The following ATP6V1E2 variants were observed in gnomAD, a reference collection of about 807,000 sequenced individuals.
ATP6V1E2 encodes V-type proton ATPase subunit E 2.
For synonymous variants in ATP6V1E2, 121 were observed against 104.2 expected (o/e 1.16, Z -0.98); for missense variants, 308 against 273.3 (o/e 1.13, Z -0.90).
chr2:46,521,047 C>A (rs1176191586), intron 4 of ATP6V1E2, among the ~76,000 whole-genome samples: 1 of 152,174 alleles, frequency 6.6e-6, no homozygotes, highest in Non-Finnish European at 1.5e-5. Context: ...CATTTCCAAA[C>A]TGGTGATTGT....
chr2:46,520,690 A>G (rs575272796), intron 4 of ATP6V1E2, among the ~76,000 whole-genome samples: 1 of 152,322 alleles, frequency 6.6e-6, no homozygotes, highest in African/African-American at 2.4e-5. Flanking sequence ...TTTTCCAGAT[A>G]CAATTCAGAG....
chr2:46,512,572 T>C lies in ATP6V1E2; in HGVS notation c.140A>G (p.Gln47Arg). The stretch of plus-strand genomic sequence containing the variant: ...CTCCATAATCTTCAGTCGTTGGGTT[T>C]GCACGAGGCGTCCTTTCTCAATGTT... ...EFNIEKGRLVQTQRLKIMEYY... is the reference protein window; with the variant it reads ...EFNIEKGRLVRTQRLKIMEYY... The change falls in exon 5 of 5, where the codon CAA (glutamine) becomes CGA (arginine). Residue 47 changes from glutamine (Q) to arginine (R), a missense_variant. Transcript: ENST00000522587. 2 of 1,614,232 alleles carry C rather than the reference T, an allele frequency of 1.2e-6. No individual in the cohort carries two copies. The highest frequency in any genetic ancestry group is 1.7e-6 in the Non-Finnish European group (2 of 1,180,036).
intron 4 of ATP6V1E2, among the ~76,000 whole-genome samples, chr2:46,531,027 C>T (rs899708331): frequency 1.4e-5 from 2 of 141,172 alleles, no homozygotes; most frequent in Non-Finnish European, 3.2e-5. Flanking sequence ...TTGGTGAATA[C>T]GTTTTTTGAA....
chr2:46,512,488 A>G lies in ATP6V1E2; in HGVS notation c.224T>C (p.Met75Thr), dbSNP rs1259455035. The G allele has an allele frequency of 6.2e-6, 10 of 1,614,146 alleles. No homozygotes were observed. The highest frequency in any genetic ancestry group is 8.5e-6 in the Non-Finnish European group (10 of 1,180,034). Residue 75 changes from methionine (M) to threonine (T), a missense_variant, in exon 5 of 5, where the codon ATG becomes ACG. Transcript: ENST00000522587. ...GACTTTCAGCCTCGCCTGATTCCTC[A>G]TGGTGGACATCAGGATTTTCTTCTG... ...EQQKKILMST[M>T]RNQARLKVLR...
chr2:46,515,146 A>T (rs1687656883), intron 4 of ATP6V1E2, among the ~76,000 whole-genome samples: 1 of 152,228 alleles, frequency 6.6e-6, no homozygotes, highest in South Asian at 2.1e-4. Context: ...GAATCTTTCT[A>T]TTTGAAACAG....
intron 4 of ATP6V1E2, among the ~76,000 whole-genome samples, chr2:46,517,492 T>A (rs1481219004): frequency 2.0e-5 from 3 of 152,098 alleles, no homozygotes; most frequent in African/African-American, 7.2e-5. Context: ...TGAGATTGCA[T>A]AAAATTTAAA....
intron 4 of ATP6V1E2, among the ~76,000 whole-genome samples, chr2:46,532,590 C>T (rs1667236757): frequency 6.6e-6 from 1 of 152,112 alleles, no homozygotes; most frequent in Non-Finnish European, 1.5e-5. Flanking sequence ...AAGGGGAGAG[C>T]CCTCATGGAT....
At chr2:46,523,342 T>C (rs1666734449) in intron 4 of ATP6V1E2, among the ~76,000 whole-genome samples, 1 of 152,182 alleles carries the variant, frequency 6.6e-6, no homozygotes, top group Non-Finnish European at 1.5e-5. Context: ...TTGCCTAGGT[T>C]TTCTTCTAGG....
chr2:46,527,723 T>C (rs925607158), intron 4 of ATP6V1E2, among the ~76,000 whole-genome samples: 2 of 152,198 alleles, frequency 1.3e-5, no homozygotes, highest in South Asian at 4.1e-4. Flanking sequence ...CTAATGGATA[T>C]GAAATTACCC....
At chr2:46,538,609 C>T (rs1667565441) in intron 2 of ATP6V1E2, among the ~76,000 whole-genome samples, 1 of 151,864 alleles carries the variant, frequency 6.6e-6, no homozygotes, top group Non-Finnish European at 1.5e-5. Context: ...TTACTCTCTG[C>T]CCTTTGTGAT....
At chr2:46,534,643 T>A (rs1255692094) in intron 4 of ATP6V1E2, 1 of 152,214 alleles carries the variant, frequency 6.6e-6, no homozygotes, top group African/African-American at 2.4e-5. Context: ...ATGGTAAAAT[T>A]TGTTTTGGCT....
chr2:46,511,976 A>G lies in ATP6V1E2; in HGVS notation c.*55T>C. On this transcript the variant is annotated 3_prime_UTR_variant, in exon 5 of 5. Transcript: ENST00000522587. ...AACACTACTAGTTTCCTTTCCCCAA[A>G]AAACTTAAACTTTTATGGTTTAGTG... 6.7e-7 allele frequency: 1 copy of G among 1,498,520 alleles called. No individual in the cohort carries two copies. Among genetic ancestry groups the G allele is most frequent in the Non-Finnish European group, 8.9e-7 (1 of 1,121,852 alleles). 92.8% of individuals were successfully genotyped at this position (1,498,520 alleles called of 1,614,324 possible).
intron 1 of ATP6V1E2, 71 bp downstream of exon 1, chr2:46,542,141 AGCCAG>A (rs1460855565): frequency 2.0e-5 from 3 of 151,070 alleles, no homozygotes. Context: ...CCACGCAATA[AGCCAG>A]GGTTCCTGCT....
chr2:46,522,715 C>G (rs1349346986), intron 4 of ATP6V1E2, among the ~76,000 whole-genome samples: 3 of 152,076 alleles, frequency 2.0e-5, no homozygotes, highest in African/African-American at 7.2e-5. Context: ...GTGCATGTGT[C>G]TTTATAGTAG....
chr2:46,527,509 C>G (rs1340976597), intron 4 of ATP6V1E2, among the ~76,000 whole-genome samples: 2 of 152,148 alleles, frequency 1.3e-5, no homozygotes, highest in South Asian at 2.1e-4. Flanking sequence ...GCGGGAGCTA[C>G]CGCGCCCGGC....
chr2:46,518,758 T>TTGTGTGTGTG (rs70940621), intron 4 of ATP6V1E2, among the ~76,000 whole-genome samples: 1,421 of 140,530 alleles, frequency 0.01, 21 homozygotes, highest in Non-Finnish European at 0.014. Context: ...CAAGTCAATT[T>TTGTGTGTGTG]TGTGTGTGTG....
chr2:46,528,557 G>A lies in ATP6V1E2; in HGVS notation c.-102+7256C>T, dbSNP rs568555007. 6.6e-5 allele frequency among the ~76,000 whole-genome samples: 10 copies of A among 152,304 alleles called. No individual in the cohort carries two copies. The South Asian group carries it at 1.0e-3, about 16-fold the overall frequency. On this transcript the variant is annotated intron_variant, in intron 4 of 4. Transcript: ENST00000522587. ...CTCCAGGGCAGGACTCCCTTCTCCC[G>A]CCTCATGAGGGTGGAAACCAGGCTG...
rs765106434 is a variant in ATP6V1E2 at position 46,512,216 on chromosome 2, G to C, written c.496C>G (p.Gln166Glu). The C allele has an allele frequency of 2.5e-6, 4 of 1,613,962 alleles. No homozygotes were observed. The African/African-American group carries it at 5.3e-5, about 22-fold the overall frequency. ...MTISQKHVEV[Q>E]IDKEAYLAVN... is the part of the protein sequence containing the mutation. ...GCCAGGTATGCCTCTTTATCAATCT[G>C]GACCTCCACATGTTTCTGGGAAATT... Residue 166 changes from glutamine (Q) to glutamate (E), a missense_variant, in exon 5 of 5, where the codon CAG becomes GAG. Coordinates refer to ENST00000522587, the MANE Select transcript of ATP6V1E2 (RefSeq NM_001318063.2).
At position 46,535,471 on chromosome 2, in the gene ATP6V1E2, T is replaced by A. The variant is rs1416537765; in HGVS notation, c.-102+342A>T. ...GAAAGGCTAGAGAAGCTGCTCAAGA[T>A]AGAAACAGTGTCCGACACATGACTC... On this transcript the variant is annotated intron_variant, in intron 4 of 4. Coordinates refer to ENST00000522587, the MANE Select transcript of ATP6V1E2 (RefSeq NM_001318063.2). This position sits in a 1 kb window ranked among gnomAD's most constrained non-coding sequence, Gnocchi z 4.4. 6.6e-6 allele frequency: 1 copy of A among 152,192 alleles called. No individual in the cohort carries two copies. Among genetic ancestry groups the A allele is most frequent in the African/African-American group, 2.4e-5 (1 of 41,452 alleles). 9.4% of individuals were successfully genotyped at this position (152,192 alleles called of 1,614,324 possible). A position where few individuals can be genotyped will look rare whatever the true frequency, so the allele number is the denominator to read the frequency against.
Sources: gnomAD v4.1 joint callset for allele counts (sites outside exome capture counted in the v4.1 genomes callset) on GRCh38, gnomAD v4.1.1 for gene constraint, Gnocchi (gnomAD v3.1) non-coding constraint, MANE v1.5 for transcripts, NCBI Gene and HGNC (gene_info 2026-07-23, HGNC 2026-07-21) for gene names.